ENAH: variants seen among roughly 807,000 people sequenced by gnomAD.
The protein encoded by ENAH is ENAH actin regulator.
Under a neutral mutation model 78.7 loss-of-function variants are expected in ENAH, and 23 were observed. The observed-to-expected ratio is 0.29, with a 90% CI of 0.21 to 0.41. The LOEUF (loss-of-function observed/expected upper bound fraction) is 0.41, where lower values mean the gene tolerates loss of function less well. Among genes scored for constraint, ENAH ranks in the 10% least tolerant of loss-of-function variants. The pLI is 1.00. For synonymous variants in ENAH, 226 were observed against 241.0 expected, an observed-to-expected ratio of 0.94 and a Z score of 0.58; for missense variants, 544 against 691.0, an observed-to-expected ratio of 0.79 and a Z score of 2.39.
At chr1:225,498,440 C>A in intron 12 of ENAH, 36 bp from the exon 13 acceptor site, 1 of 1,271,794 alleles carries the variant, frequency 7.9e-7, no homozygotes, top group East Asian at 2.4e-5. Flanking sequence ...AAATACAGAA[C>A]AAAATTACCA....
At chr1:225,504,352 C>G (rs570971722) in intron 11 of ENAH, among the ~76,000 whole-genome samples, 2 of 152,230 alleles carry the variant, frequency 1.3e-5, no homozygotes, top group East Asian at 3.9e-4. Flanking sequence ...CTTTAAACAT[C>G]TGCCTATAAA....
At chr1:225,513,762 C>T (rs2096395013) in intron 7 of ENAH, among the ~76,000 whole-genome samples, 3 of 151,946 alleles carry the variant, frequency 2.0e-5, no homozygotes, top group African/African-American at 4.8e-5. Flanking sequence ...GAGGCTGAGG[C>T]GGGTGGATCA....
intron 8 of ENAH, 35 bp from the exon 9 acceptor site, chr1:225,512,749 T>C: frequency 1.9e-6 from 3 of 1,611,280 alleles, no homozygotes; most frequent in Non-Finnish European, 2.5e-6. Flanking sequence ...TTAAAAATAT[T>C]ATCTGATTCA....
chr1:225,604,012 T>C (rs2096942583), intron 1 of ENAH, among the ~76,000 whole-genome samples: 1 of 152,186 alleles, frequency 6.6e-6, no homozygotes, highest in African/African-American at 2.4e-5. Context: ...TTCTAAATCT[T>C]ATTTATTCAA....
intron 2 of ENAH, among the ~76,000 whole-genome samples, chr1:225,557,879 A>G (rs1265332022): frequency 6.6e-6 from 1 of 152,204 alleles, no homozygotes; most frequent in Non-Finnish European, 1.5e-5. Context: ...TTTTATTGAT[A>G]TCTTTTATCT....
intron 1 of ENAH, among the ~76,000 whole-genome samples, chr1:225,646,570 G>T (rs76469306): frequency 6.6e-6 from 1 of 152,020 alleles, no homozygotes; most frequent in African/African-American, 2.4e-5. Flanking sequence ...GTAATCCCAC[G>T]AGGTCAGGAG....
Position 225,514,761 on chromosome 1 carries a change from AG to A in ENAH, c.1052del (p.Pro351LeufsTer39). 4.3e-6 allele frequency: 1 copy of A among 231,836 alleles called. No individual in the cohort carries two copies. Among genetic ancestry groups the A allele is most frequent in the Non-Finnish European group, 6.1e-6 (1 of 162,712 alleles). The allele number at this position is 231,836 out of a possible 1,614,324, so 14.4% of individuals were successfully genotyped here. A position where few individuals can be genotyped will look rare whatever the true frequency, so the allele number is the denominator to read the frequency against. On this transcript the variant is annotated frameshift_variant, in exon 7 of 14. Coordinates refer to ENST00000366843, the MANE Select transcript of ENAH (RefSeq NM_018212.6). LOFTEE classifies it high-confidence loss of function. ...PLPSTGPPPP[P>X]PPPPLPNQVP... ...CTTGATTAGGGAGAGGAGGGGGAGGAGGGGGCGGTGGAGGCCCGGTGGATGG... is the reference window on the plus strand; with the variant it reads ...CTTGATTAGGGAGAGGAGGGGGAGGAGGGGCGGTGGAGGCCCGGTGGATGG...
At chr1:225,611,646 G>T (rs545861463) in intron 1 of ENAH, among the ~76,000 whole-genome samples, 1 of 152,248 alleles carries the variant, frequency 6.6e-6, no homozygotes, top group East Asian at 1.9e-4. Flanking sequence ...AATTAGCCAG[G>T]TGTGGTGGCC....
At chr1:225,635,355 TTTAA>T (rs1283307298) in intron 1 of ENAH, among the ~76,000 whole-genome samples, 2 of 150,196 alleles carry the variant, frequency 1.3e-5, no homozygotes, top group African/African-American at 5.1e-5. Flanking sequence ...CTGAAACTGG[TTTAA>T]TTTTTTTCAG....
chr1:225,583,156 G>A (rs984615698), intron 1 of ENAH, among the ~76,000 whole-genome samples: 1 of 152,130 alleles, frequency 6.6e-6, no homozygotes, highest in African/African-American at 2.4e-5. Flanking sequence ...GAAAAAAGAG[G>A]CCAGGCGAGG....
chr1:225,588,691 C>G (rs1478609885), intron 1 of ENAH, among the ~76,000 whole-genome samples: 1 of 151,774 alleles, frequency 6.6e-6, no homozygotes, highest in African/African-American at 2.4e-5. Context: ...GCCTGTAGTC[C>G]CAGCTACTCA....
intron 1 of ENAH, among the ~76,000 whole-genome samples, chr1:225,649,542 T>C (rs959993257): frequency 6.2e-4 from 95 of 152,280 alleles, no homozygotes; most frequent in Middle Eastern, 3.4e-3. Flanking sequence ...TTTTGAAACA[T>C]TGCATAAATG....
At chr1:225,586,227 C>T (rs1366598610) in intron 1 of ENAH, among the ~76,000 whole-genome samples, 1 of 105,500 alleles carries the variant, frequency 9.5e-6, no homozygotes, top group Non-Finnish European at 1.8e-5. Flanking sequence ...GCACTCCAGC[C>T]TGGGAGACAA....
At chr1:225,555,666 T>C (rs1385156989) in intron 2 of ENAH, among the ~76,000 whole-genome samples, 1 of 152,020 alleles carries the variant, frequency 6.6e-6, no homozygotes, top group Non-Finnish European at 1.5e-5. Context: ...GTTTTACAAA[T>C]ACAAAAAAGT....
chr1:225,541,337 A>C (rs914235101), intron 3 of ENAH, among the ~76,000 whole-genome samples: 1 of 152,124 alleles, frequency 6.6e-6, no homozygotes, highest in Non-Finnish European at 1.5e-5. Context: ...CAGGAGGCTG[A>C]GGCAGGAGAA....
At chr1:225,518,283 T>C (rs1341919731) in intron 5 of ENAH, among the ~76,000 whole-genome samples, 2 of 152,244 alleles carry the variant, frequency 1.3e-5, no homozygotes, top group African/African-American at 4.8e-5. Context: ...GTATTAGTCT[T>C]AATTTTTATT....
intron 2 of ENAH, among the ~76,000 whole-genome samples, chr1:225,557,195 G>A (rs952556991): frequency 2.0e-5 from 3 of 152,170 alleles, no homozygotes; most frequent in Non-Finnish European, 2.9e-5. Context: ...TTGCATGAAA[G>A]CTAACATATC....
rs1176684244 is a variant in ENAH at position 225,514,604 on chromosome 1, C to A, written c.1210G>T (p.Val404Leu). 1 of 1,611,706 alleles carries A rather than the reference C, an allele frequency of 6.2e-7. No individual in the cohort carries two copies. The highest frequency in any genetic ancestry group is 8.5e-7 in the Non-Finnish European group (1 of 1,179,744). Reference sequence around the variant, plus strand: ...TTCAGAAAGGTATTTACCCGTGACACTTTCCTAAGTTTTGCTCCGGCAATT... The same window carrying A: ...TTCAGAAAGGTATTTACCCGTGACAATTTCCTAAGTTTTGCTCCGGCAATT... The part of the protein sequence containing the change: ...AAIAGAKLRK[V>L]SRMEDTSFPS... Residue 404 changes from valine to leucine, a missense_variant, in exon 7 of 14, where the codon GTG (valine) becomes TTG (leucine). Val to Leu is a conservative substitution (Grantham distance 32). Around this residue, in one of 4 missense-constraint regions of ENAH, gnomAD observed 366 missense variants for 396.1 expected, o/e 0.92. Coordinates refer to ENST00000366843, the MANE Select transcript of ENAH (RefSeq NM_018212.6).
Position 225,514,833 on chromosome 1 carries a change from T to C in ENAH, c.981A>G (p.Ser327=). ...GCCCTGGGGGAGGAGGGAGGGCTAC[T>C]GAAGCCTGTGCAGGCCCTGGTGGGA... ...PPLPPGPAQA[S]VALPPPPGPP... Residue 327 remains serine, a synonymous_variant, in exon 7 of 14, where the codon TCA becomes TCG. Transcript: ENST00000366843. 1 of 1,593,276 alleles carries C rather than the reference T, an allele frequency of 6.3e-7. No homozygotes were observed. The highest frequency in any genetic ancestry group is 8.5e-7 in the Non-Finnish European group (1 of 1,172,844).
Sources: gnomAD v4.1 joint callset for allele counts (sites outside exome capture counted in the v4.1 genomes callset) on GRCh38, gnomAD v4.1.1 for gene constraint, gnomAD v4.1.1 regional missense constraint, MANE v1.5 for transcripts, NCBI Gene and HGNC (gene_info 2026-07-23, HGNC 2026-07-21) for gene names.